The following LAMB3 variants were observed in gnomAD, a reference collection of about 807,000 sequenced individuals.
The protein encoded by LAMB3 is laminin subunit beta 3, also known as laminin subunit beta-3.
Under a neutral mutation model 140.3 loss-of-function variants are expected in LAMB3, and 104 were observed. The ratio of observed to expected loss-of-function variants is 0.74; its 90% CI spans 0.63 to 0.87. The LOEUF (loss-of-function observed/expected upper bound fraction) is 0.87. Ranked by LOEUF, LAMB3 falls within the 40% of genes least tolerant of loss-of-function variation. The probability of loss-of-function intolerance (pLI) is 0.00; values close to 1 mark genes in which losing one functional copy is unlikely to be tolerated. For synonymous variants in LAMB3, 592 were observed against 602.9 expected (o/e 0.98, Z 0.26); for missense variants, 1,531 against 1,575.2 (o/e 0.97, Z 0.47).
chr1:209,647,391 C>T lies in LAMB3; in HGVS notation c.183+2573G>A, dbSNP rs140657934. On this transcript the variant is annotated intron_variant, in intron 3 of 22. Coordinates refer to ENST00000356082, the MANE Select transcript of LAMB3 (RefSeq NM_000228.3). ...TTCTGCTGAGTCGCCCTCTGTTAGTCGGCTGGAACTGGGTTGGGGAGTGGA... is the reference window on the plus strand; with the variant it reads ...TTCTGCTGAGTCGCCCTCTGTTAGTTGGCTGGAACTGGGTTGGGGAGTGGA... 5.3e-5 allele frequency among the ~76,000 whole-genome samples: 8 copies of T among 152,304 alleles called. No homozygotes were observed. In the East Asian group the frequency reaches 1.2e-3, roughly 22 times the overall value.
In LAMB3 at chr1:209,617,409, C is replaced by T. The variant is rs778026407; in HGVS notation, c.3228+1G>A. ...TTGAGCTAACTCCGCCTTCTCTGTA[C>T]CTCTTGGGCACTCAATGCCTGCTCG... On this transcript the variant is annotated splice_donor_variant, in intron 21 of 22. Coordinates refer to ENST00000356082, the MANE Select transcript of LAMB3 (RefSeq NM_000228.3). LOFTEE classifies it high-confidence loss of function. 5 of 1,612,396 alleles carry T rather than the reference C, an allele frequency of 3.1e-6. No homozygotes were observed. The Admixed American group carries it at 5.0e-5, about 16-fold the overall frequency.
chr1:209,624,030 TA>T (rs745489189), intron 14 of LAMB3, 30 bp from the exon 15 acceptor site: 1 of 1,602,656 alleles, frequency 6.2e-7, no homozygotes, highest in Non-Finnish European at 8.5e-7. Flanking sequence ...TACACTAAAA[TA>T]TAGGAGGGAG....
chr1:209,638,605 TTG>T lies in LAMB3; in HGVS notation c.225_226del (p.His75GlnfsTer25), dbSNP rs886045870. 9.3e-6 allele frequency: 15 copies of T among 1,613,984 alleles called. No homozygotes were observed. The highest frequency in any genetic ancestry group is 1.3e-5 in the Non-Finnish European group (15 of 1,179,980). ...ATTCTCTACTCGGTGACTGTAGTAG[TTG>T]TGAGGCTGCCTGGAGTCACACTTGC... On this transcript the variant is annotated frameshift_variant, in exon 4 of 23. Transcript: ENST00000356082. LOFTEE classifies it high-confidence loss of function.
chr1:209,648,450 C>A (rs1265767597), intron 3 of LAMB3, among the ~76,000 whole-genome samples: 1 of 152,204 alleles, frequency 6.6e-6, no homozygotes, highest in Non-Finnish European at 1.5e-5. Flanking sequence ...GAAGAAACAG[C>A]CAGTGCTTCT....
Position 209,633,905 on chromosome 1 carries a change from C to T in LAMB3, c.564+542G>A, listed in dbSNP as rs1157769108. On this transcript the variant is annotated intron_variant, in intron 6 of 22. Coordinates refer to ENST00000356082, the MANE Select transcript of LAMB3 (RefSeq NM_000228.3). ...CACGTTGGGAGGACTTAGGGAGAAA[C>T]ATTCTGAGTTTTTCTTCAGGCAGGT... is the stretch of plus-strand genomic sequence containing the variant. Among the ~76,000 whole-genome samples, 5 of 152,296 alleles carry T rather than the reference C, an allele frequency of 3.3e-5. No homozygotes were observed. The South Asian group carries it at 8.3e-4, about 25-fold the overall frequency.
At position 209,622,577 on chromosome 1, in the gene LAMB3, C is replaced by A. The variant is rs183045589; in HGVS notation, c.2660G>T (p.Arg887Leu). The A allele has an allele frequency of 1.1e-5, 18 of 1,613,942 alleles. No individual in the cohort carries two copies. The highest frequency in any genetic ancestry group is 1.4e-5 in the Non-Finnish European group (16 of 1,180,016). The change falls in exon 18 of 23, where the codon CGC becomes CTC. Residue 887 changes from arginine to leucine, a missense_variant. Transcript: ENST00000356082. The stretch of plus-strand genomic sequence containing the variant: ...GACCTGCTGGATTAGGAGCCGTGTG[C>A]GTCTGACATCTTCCTCCATCTGGGA... ...SRSQMEEDVR[R>L]TRLLIQQVRD... is the part of the protein sequence containing the mutation.
intron 14 of LAMB3, among the ~76,000 whole-genome samples, chr1:209,624,937 A>AGG (rs1558152750): frequency 1.5e-4 from 21 of 142,722 alleles, no homozygotes; most frequent in Admixed American, 7.7e-4. Context: ...GAAGGAAGGA[A>AGG]AAAAAGGGAA....
Position 209,645,722 on chromosome 1 carries a change from G to GAA in LAMB3, c.183+4240_183+4241dup, listed in dbSNP as rs36106096. Among the ~76,000 whole-genome samples, 818 of 137,394 alleles carry GAA rather than the reference G, an allele frequency of 6.0e-3. 11 individuals are homozygous for GAA. Among genetic ancestry groups the GAA allele is most frequent in the Middle Eastern group, 0.012 (3 of 260 alleles). The allele number at this position is 137,394 out of a possible 152,430, so 90.1% of individuals were successfully genotyped here. ...CAGAGCAAGACTCTGTGTCCCAGGG[G>GAA]AAAAAAAAAAAAAAAAGCAGATATT... On this transcript the variant is annotated intron_variant, in intron 3 of 22. Transcript: ENST00000356082.
intron 8 of LAMB3, among the ~76,000 whole-genome samples, chr1:209,630,950 C>T (rs116182227): frequency 0.014 from 2,149 of 152,304 alleles, 32 homozygotes; most frequent in African/African-American, 0.035. Context: ...TGTGTGTGCA[C>T]GTGCGTGTGC....
intron 18 of LAMB3, among the ~76,000 whole-genome samples, chr1:209,620,232 T>A (rs1666137669): frequency 6.6e-6 from 1 of 152,194 alleles, no homozygotes; most frequent in African/African-American, 2.4e-5. Context: ...GCAAATCAAA[T>A]TAAACTCAGT....
chr1:209,641,064 C>T (rs1361306683), intron 3 of LAMB3, among the ~76,000 whole-genome samples: 1 of 119,106 alleles, frequency 8.4e-6, no homozygotes, highest in African/African-American at 3.4e-5. Flanking sequence ...GCCTGGGCAA[C>T]AGAGCGAGAC....
chr1:209,641,946 C>G (rs930945127), intron 3 of LAMB3, among the ~76,000 whole-genome samples: 3 of 152,188 alleles, frequency 2.0e-5, no homozygotes, highest in African/African-American at 7.2e-5. Flanking sequence ...CAAGGGCCAG[C>G]TGCCTTCCGG....
intron 3 of LAMB3, among the ~76,000 whole-genome samples, chr1:209,648,602 A>G (rs892755269): frequency 6.6e-6 from 1 of 152,148 alleles, no homozygotes; most frequent in East Asian, 1.9e-4. Context: ...GGGGCATCAG[A>G]GAGGCAGAGG....
intron 18 of LAMB3, among the ~76,000 whole-genome samples, chr1:209,618,986 A>G (rs1666094297): frequency 6.6e-6 from 1 of 152,216 alleles, no homozygotes; most frequent in Non-Finnish European, 1.5e-5. Context: ...CTGGTACTGA[A>G]CAATGCCTGC....
In LAMB3 at chr1:209,624,227, C is replaced by T. The variant is rs575724727; in HGVS notation, c.1977-227G>A. On this transcript the variant is annotated intron_variant, in intron 14 of 22. Transcript: ENST00000356082. ...AGATGGAGCCACAAAACTCTCCTCC[C>T]TTGACTTCTATGACCCAACATTCCC... is the stretch of plus-strand genomic sequence containing the variant. Among the ~76,000 whole-genome samples the T allele has an allele frequency of 8.5e-5, 13 of 152,294 alleles. No individual in the cohort carries two copies. The South Asian group carries it at 2.7e-3, about 32-fold the overall frequency.
intron 11 of LAMB3, 96 bp from the exon 12 acceptor site, chr1:209,627,675 A>T: frequency 8.6e-7 from 1 of 1,168,122 alleles, no homozygotes; most frequent in Non-Finnish European, 1.2e-6. Flanking sequence ...CTGGGAAAAG[A>T]ACTGGGCAGG....
At chr1:209,631,347 C>G (rs1274387851) in intron 8 of LAMB3, among the ~76,000 whole-genome samples, 1 of 152,190 alleles carries the variant, frequency 6.6e-6, no homozygotes. Context: ...CCTCTGCAAG[C>G]CCTACTTTCT....
intron 2 of LAMB3, among the ~76,000 whole-genome samples, chr1:209,650,704 T>C (rs2076557681): frequency 6.6e-6 from 1 of 152,156 alleles, no homozygotes; most frequent in Non-Finnish European, 1.5e-5. Flanking sequence ...AAGAAGACAT[T>C]TGGGAGCCTT....
intron 3 of LAMB3, among the ~76,000 whole-genome samples, chr1:209,647,404 G>A (rs763781556): frequency 6.6e-6 from 1 of 152,218 alleles, no homozygotes; most frequent in Non-Finnish European, 1.5e-5. Flanking sequence ...CTGGAACTGG[G>A]TTGGGGAGTG....
Sources: allele counts gnomAD v4.1 joint callset (sites outside exome capture counted in the v4.1 genomes callset), GRCh38; gene constraint gnomAD v4.1.1; transcripts MANE v1.5; gene names NCBI Gene and HGNC (gene_info 2026-07-23, HGNC 2026-07-21).